TTLL11: variants seen among roughly 807,000 people sequenced by gnomAD.
TTLL11 encodes tubulin tyrosine ligase like 11.
TTLL11 carries 42 observed loss-of-function variants against 51.7 expected under a neutral mutation model. The observed-to-expected ratio is 0.81, with a 90% CI of 0.64 to 1.05. The LOEUF is 1.05. Among genes scored for constraint, TTLL11 ranks in the 50% least tolerant of loss-of-function variants. The pLI, the probability that TTLL11 is intolerant of heterozygous loss-of-function variation, is 0.00. For synonymous variants in TTLL11, 381 were observed against 383.5 expected (o/e 0.99, Z 0.08); for missense variants, 799 against 940.4 (o/e 0.85, Z 1.97).
At chr9:121,943,948 G>C (rs977774028) in intron 6 of TTLL11, among the ~76,000 whole-genome samples, 3 of 152,162 alleles carry the variant, frequency 2.0e-5, no homozygotes, top group Non-Finnish European at 2.9e-5. Context: ...CTTCATGTCT[G>C]ATCAAAGAAA....
chr9:121,909,341 C>T (rs1402315718), intron 6 of TTLL11, among the ~76,000 whole-genome samples: 1 of 152,070 alleles, frequency 6.6e-6, no homozygotes, highest in Non-Finnish European at 1.5e-5. Flanking sequence ...TCCCTGCCGC[C>T]GTGCTCCTTG....
intron 6 of TTLL11, among the ~76,000 whole-genome samples, chr9:121,937,183 A>G (rs1841265281): frequency 6.6e-6 from 1 of 152,214 alleles, no homozygotes; most frequent in African/African-American, 2.4e-5. Context: ...TCTATCTCGT[A>G]AAGCAATTGT....
chr9:121,949,873 G>C (rs1315204157), intron 6 of TTLL11, among the ~76,000 whole-genome samples: 1 of 151,986 alleles, frequency 6.6e-6, no homozygotes, highest in Non-Finnish European at 1.5e-5. Context: ...CTTTAAGATA[G>C]TCTTCCTCAA....
chr9:121,913,075 C>A (rs922983719), intron 6 of TTLL11, among the ~76,000 whole-genome samples: 4 of 152,162 alleles, frequency 2.6e-5, no homozygotes, highest in African/African-American at 7.2e-5. Context: ...TCTCCAGTCA[C>A]CCTGCTCCAC....
At chr9:122,052,621 T>G (rs1251766815) in intron 1 of TTLL11, among the ~76,000 whole-genome samples, 1 of 152,210 alleles carries the variant, frequency 6.6e-6, no homozygotes, top group Non-Finnish European at 1.5e-5. Context: ...GATAAGATTT[T>G]TAAAAACTCT....
chr9:122,066,358 C>T lies in TTLL11; in HGVS notation c.462+26329G>A, dbSNP rs140812118. Among the ~76,000 whole-genome samples the T allele has an allele frequency of 5.3e-5, 8 of 151,944 alleles. No homozygotes were observed. In the East Asian group the frequency reaches 1.6e-3, roughly 30 times the overall value. Reference sequence around the variant, plus strand: ...GAAGACACAAGAAGAGAAGTTTAATCAAAGGTGCAGGGGGTGGAGTGGGAG... The same window carrying T: ...GAAGACACAAGAAGAGAAGTTTAATTAAAGGTGCAGGGGGTGGAGTGGGAG... On this transcript the variant is annotated intron_variant, in intron 1 of 8. Transcript: ENST00000321582.
chr9:121,884,168 G>A (rs1838908827), intron 6 of TTLL11, among the ~76,000 whole-genome samples: 1 of 152,160 alleles, frequency 6.6e-6, no homozygotes, highest in African/African-American at 2.4e-5. Context: ...CCCTCCCAGA[G>A]GGACAGCCCT....
intron 3 of TTLL11, among the ~76,000 whole-genome samples, chr9:122,024,746 C>G (rs10122625): frequency 6.6e-6 from 1 of 152,118 alleles, no homozygotes; most frequent in Admixed American, 6.5e-5. Flanking sequence ...TGAACTTCAA[C>G]CCATACCTTA....
chr9:121,974,783 A>C, intron 5 of TTLL11, 101 bp downstream of exon 5: 1 of 961,130 alleles, frequency 1.0e-6, no homozygotes. Context: ...TGGCTATGAA[A>C]ATCTGAGAAT....
At chr9:122,091,669 G>T (rs1445580565) in intron 1 of TTLL11, among the ~76,000 whole-genome samples, 1 of 152,212 alleles carries the variant, frequency 6.6e-6, no homozygotes, top group Admixed American at 6.5e-5. Flanking sequence ...CTAAGAACCT[G>T]AGTCCTCTGT....
At chr9:121,992,609 T>C (rs1400135916) in intron 3 of TTLL11, among the ~76,000 whole-genome samples, 1 of 152,236 alleles carries the variant, frequency 6.6e-6, no homozygotes, top group Non-Finnish European at 1.5e-5. Flanking sequence ...TGGTGTTAGC[T>C]GGAGTGTGAG....
intron 3 of TTLL11, among the ~76,000 whole-genome samples, chr9:122,026,906 T>C (rs1454149592): frequency 8.1e-6 from 1 of 123,012 alleles, no homozygotes. Flanking sequence ...TGTAAGTTCA[T>C]TCTAAAAAAA....
At chr9:121,928,275 G>T (rs988792783) in intron 6 of TTLL11, among the ~76,000 whole-genome samples, 14 of 151,992 alleles carry the variant, frequency 9.2e-5, no homozygotes, top group African/African-American at 3.1e-4. Context: ...AGCTTTATTG[G>T]GATGTAATTG....
At chr9:121,897,250 T>C (rs1001141792) in intron 6 of TTLL11, among the ~76,000 whole-genome samples, 1 of 152,144 alleles carries the variant, frequency 6.6e-6, no homozygotes. Context: ...TGGGTGCTTT[T>C]AGACCTCATA....
intron 1 of TTLL11, among the ~76,000 whole-genome samples, chr9:122,061,132 G>A (rs773750723): frequency 1.5e-4 from 23 of 152,202 alleles, no homozygotes; most frequent in African/African-American, 3.4e-4. Context: ...CCCTGCCACC[G>A]TCTTCACATG....
At chr9:121,878,229 C>T (rs1838641162) in intron 6 of TTLL11, among the ~76,000 whole-genome samples, 1 of 152,162 alleles carries the variant, frequency 6.6e-6, no homozygotes, top group Non-Finnish European at 1.5e-5. Flanking sequence ...CACAAAACGG[C>T]CACATTGTTT....
At chr9:121,851,949 A>T (rs112319928) in intron 8 of TTLL11, among the ~76,000 whole-genome samples, 2,479 of 152,248 alleles carry the variant, frequency 0.016, 75 homozygotes, top group African/African-American at 0.057. Flanking sequence ...GCTCTGCCCA[A>T]TTCTCAGGCC....
intron 6 of TTLL11, among the ~76,000 whole-genome samples, chr9:121,942,276 G>C (rs997375050): frequency 1.3e-5 from 2 of 152,152 alleles, no homozygotes; most frequent in African/African-American, 4.8e-5. Flanking sequence ...TCAGCTCCTT[G>C]CATGTCCTCT....
At chr9:122,014,163 G>C (rs113422688) in intron 3 of TTLL11, among the ~76,000 whole-genome samples, 5,940 of 152,084 alleles carry the variant, frequency 0.039, 119 homozygotes, top group African/African-American at 0.059. Context: ...CCAGGAGTTC[G>C]AGAGCAGCCT....
Sources: allele counts gnomAD v4.1 joint callset (sites outside exome capture counted in the v4.1 genomes callset), GRCh38; gene constraint gnomAD v4.1.1; transcripts MANE v1.5; gene names NCBI Gene and HGNC (gene_info 2026-07-23, HGNC 2026-07-21).